Variants in CAPS2 observed in about 807,000 individuals in gnomAD.
The protein encoded by CAPS2 is calcyphosine 2, also known as calcyphosin-2.
Under a neutral mutation model 86.5 loss-of-function variants are expected in CAPS2, and 98 were observed. The observed-to-expected ratio is 1.13, with a 90% CI of 0.96 to 1.34. The LOEUF (loss-of-function observed/expected upper bound fraction) is 1.34, where lower values mean the gene tolerates loss of function less well. CAPS2 is among the 40% of genes most tolerant of loss of function. The probability of loss-of-function intolerance (pLI) is 0.00; values close to 1 mark genes in which losing one functional copy is unlikely to be tolerated. For missense variants in CAPS2, 729 were observed against 686.8 expected, an observed-to-expected ratio of 1.06 and a Z score of -0.69; for synonymous variants, 210 against 225.1, an observed-to-expected ratio of 0.93 and a Z score of 0.60.
intron 1 of CAPS2, among the ~76,000 whole-genome samples, chr12:75,372,568 G>A (rs2139727556): frequency 6.6e-6 from 1 of 152,250 alleles, no homozygotes; most frequent in Middle Eastern, 3.4e-3. Flanking sequence ...GATGGTGAGT[G>A]GTGCCACTTC....
chr12:75,371,519 C>T, intron 1 of CAPS2: 2 of 300,064 alleles, frequency 6.7e-6, no homozygotes, highest in Non-Finnish European at 1.3e-5. Context: ...ATCACAAGTC[C>T]ACCCCTTGTC....
chr12:75,385,661 G>C (rs1196534903), intron 1 of CAPS2, among the ~76,000 whole-genome samples: 1 of 152,146 alleles, frequency 6.6e-6, no homozygotes, highest in Non-Finnish European at 1.5e-5. Flanking sequence ...AAATAAAAAT[G>C]TCTTTGTTTG....
At chr12:75,333,828 G>A (rs937589829), upstream of CAPS2, 2 of 151,966 alleles carry the variant, frequency 1.3e-5, no homozygotes, top group Non-Finnish European at 2.9e-5. Flanking sequence ...TTGAAACATA[G>A]AAATACTAAA....
intron 1 of CAPS2, among the ~76,000 whole-genome samples, chr12:75,342,610 T>TA (rs2042192258): frequency 6.6e-6 from 1 of 152,192 alleles, no homozygotes; most frequent in Non-Finnish European, 1.5e-5. Context: ...TAAATATTGA[T>TA]ATCTGGTAGA....
intron 15 of CAPS2, among the ~76,000 whole-genome samples, chr12:75,283,288 TAG>T (rs1156876698): frequency 6.6e-6 from 1 of 152,144 alleles, no homozygotes; most frequent in Non-Finnish European, 1.5e-5. Flanking sequence ...TCTGCATTCG[TAG>T]TGGGGTCAAA....
intron 8 of CAPS2, 41 bp downstream of exon 8, chr12:75,304,716 A>G: frequency 1.4e-6 from 2 of 1,404,898 alleles, no homozygotes; most frequent in Non-Finnish European, 9.8e-7. Context: ...TACTTTTAGA[A>G]CATAGTGCAT....
chr12:75,334,959 G>A, upstream of CAPS2: 2 of 1,502,104 alleles, frequency 1.3e-6, no homozygotes, highest in Non-Finnish European at 1.8e-6. Flanking sequence ...AGGTATCTGG[G>A]TGATAAATTT....
At chr12:75,303,166 A>C (rs1215066158) in intron 8 of CAPS2, among the ~76,000 whole-genome samples, 1 of 152,236 alleles carries the variant, frequency 6.6e-6, no homozygotes, top group Non-Finnish European at 1.5e-5. Flanking sequence ...AATACTATAC[A>C]ACAATGAGAA....
intron 7 of CAPS2, among the ~76,000 whole-genome samples, chr12:75,311,189 A>G (rs2039123332): frequency 6.6e-6 from 1 of 152,198 alleles, no homozygotes; most frequent in South Asian, 2.1e-4. Context: ...AACCAGTAAG[A>G]GGCAAATGCA....
chr12:75,353,255 T>C (rs906598160), intron 1 of CAPS2, among the ~76,000 whole-genome samples: 6 of 151,658 alleles, frequency 4.0e-5, no homozygotes, highest in Admixed American at 6.6e-5. Flanking sequence ...ACTAACTAAA[T>C]AGAATAATAA....
At chr12:75,298,023 G>A (rs1033608193) in intron 11 of CAPS2, among the ~76,000 whole-genome samples, 6 of 152,130 alleles carry the variant, frequency 3.9e-5, no homozygotes, top group Non-Finnish European at 7.4e-5. Context: ...CTCCAAAAAA[G>A]CAGGGAATGA....
At chr12:75,336,153 A>G (rs1391609314) in intron 1 of CAPS2, among the ~76,000 whole-genome samples, 14 of 151,970 alleles carry the variant, frequency 9.2e-5, no homozygotes, top group Non-Finnish European at 1.2e-4. Context: ...TTCTGGATGG[A>G]CCGTGAGAAG....
rs997793086 is a variant in CAPS2 at position 75,378,244 on chromosome 12, C to A, written c.-395+12594G>T. 3.3e-5 allele frequency among the ~76,000 whole-genome samples: 5 copies of A among 152,292 alleles called. 1 individual carries two copies. The highest frequency in any genetic ancestry group is 3.3e-4 in the Admixed American group (5 of 15,294). On this transcript the variant is annotated intron_variant, in intron 1 of 5. Transcript: ENST00000551829. ...GAACTCCTAAGCTCAAAGCAATCCA[C>A]CTGCCTCAGCCTCCCCAAGTGCTGT...
At chr12:75,303,105 C>A (rs1022304647) in intron 8 of CAPS2, among the ~76,000 whole-genome samples, 1 of 152,008 alleles carries the variant, frequency 6.6e-6, no homozygotes, top group African/African-American at 2.4e-5. Context: ...CACAAAGAGC[C>A]AAATATCTAT....
At chr12:75,381,527 G>C (rs1177801148) in intron 1 of CAPS2, among the ~76,000 whole-genome samples, 1 of 121,942 alleles carries the variant, frequency 8.2e-6, no homozygotes, top group Non-Finnish European at 1.8e-5. Flanking sequence ...CTGTTATTTA[G>C]ACTTTTTTTT....
chr12:75,317,661 T>C lies in CAPS2; in HGVS notation c.469-1227A>G, dbSNP rs377112526. ...TAGGCCAAAAGCCTTAGATCCATTGTTTTTTTATGTTAAAATATTTAACTG... is the reference window on the plus strand; with the variant it reads ...TAGGCCAAAAGCCTTAGATCCATTGCTTTTTTATGTTAAAATATTTAACTG... On this transcript the variant is annotated intron_variant, in intron 5 of 16. Transcript: ENST00000393284. 8.5e-5 allele frequency among the ~76,000 whole-genome samples: 13 copies of C among 152,272 alleles called. No individual in the cohort carries two copies. In the South Asian group the frequency reaches 2.3e-3, roughly 27 times the overall value.
intron 12 of CAPS2, 52 bp from the exon 13 acceptor site, chr12:75,291,872 A>G (rs1353189396): frequency 5.7e-6 from 5 of 872,478 alleles, no homozygotes; most frequent in Admixed American, 2.1e-5. Flanking sequence ...CTATTTTACA[A>G]TCTTGAGTAT....
chr12:75,276,038 G>A (rs567391660), downstream of CAPS2: 7 of 594,852 alleles, frequency 1.2e-5, no homozygotes, highest in Non-Finnish European at 1.8e-5. Context: ...TACCTCAGAA[G>A]TTTATAGAAC....
intron 1 of CAPS2, among the ~76,000 whole-genome samples, chr12:75,387,900 T>A (rs2045372889): frequency 6.6e-6 from 1 of 152,238 alleles, no homozygotes; most frequent in Admixed American, 6.5e-5. Context: ...CATATAGTTA[T>A]GATCCAGCAA....
Sources: gnomAD v4.1 joint callset for allele counts (sites outside exome capture counted in the v4.1 genomes callset) on GRCh38, gnomAD v4.1.1 for gene constraint, MANE v1.5 for transcripts, NCBI Gene and HGNC (gene_info 2026-07-23, HGNC 2026-07-21) for gene names.